The following ERICH3 variants were observed in gnomAD, a reference collection of about 807,000 sequenced individuals.
ERICH3 encodes the protein glutamate-rich protein 3.
Under a neutral mutation model 131.1 loss-of-function variants are expected in ERICH3, and 126 were observed. That is an observed-to-expected ratio of 0.96 (90% confidence interval 0.83 to 1.11). The LOEUF (loss-of-function observed/expected upper bound fraction) is 1.11. ERICH3 is among the 50% of genes most tolerant of loss of function. The pLI, the probability that ERICH3 is intolerant of heterozygous loss-of-function variation, is 0.00. For synonymous variants in ERICH3, 695 were observed against 644.6 expected, an observed-to-expected ratio of 1.08 and a Z score of -1.18; for missense variants, 2,050 against 1,810.7, an observed-to-expected ratio of 1.13 and a Z score of -2.40.
chr1:74,574,110 C>T (rs1459235725), intron 13 of ERICH3, among the ~76,000 whole-genome samples: 1 of 151,568 alleles, frequency 6.6e-6, no homozygotes, highest in African/African-American at 2.4e-5. Context: ...CCTGCCTCAG[C>T]CTCTTGGGTA....
At chr1:74,609,067 G>A (rs1190114678) in intron 9 of ERICH3, among the ~76,000 whole-genome samples, 1 of 152,040 alleles carries the variant, frequency 6.6e-6, no homozygotes, top group Admixed American at 6.6e-5. Flanking sequence ...AATATAATTT[G>A]AGGTGTTGAT....
Position 74,572,843 on chromosome 1 carries a change from G to C in ERICH3, c.2867C>G (p.Thr956Arg), listed in dbSNP as rs1458575011. ...EEEASIDLED[T>R]GPMEDTASKR... ...TGATGCTGTGTCCTCCATGGGTCCT[G>C]TGTCCTCTAGGTCTATGGATGCTTC... is the stretch of plus-strand genomic sequence containing the variant. Residue 956 changes from threonine (T) to arginine (R), a missense_variant, in exon 14 of 15, where the codon ACA (threonine) becomes AGA (arginine). Physicochemically the swap from Thr to Arg is moderately conservative, Grantham distance 71. Transcript: ENST00000326665. 5 of 1,613,608 alleles carry C rather than the reference G, an allele frequency of 3.1e-6. No homozygotes were observed. In the African/African-American group the frequency reaches 6.7e-5, roughly 22 times the overall value.
At chr1:74,635,951 A>C (rs1321902286) in intron 6 of ERICH3, among the ~76,000 whole-genome samples, 1 of 152,216 alleles carries the variant, frequency 6.6e-6, no homozygotes, top group African/African-American at 2.4e-5. Context: ...ATTTGGAAGA[A>C]GTCAACACTA....
At chr1:74,648,927 A>C (rs539418609) in intron 2 of ERICH3, among the ~76,000 whole-genome samples, 1 of 152,076 alleles carries the variant, frequency 6.6e-6, no homozygotes, top group Admixed American at 6.6e-5. Flanking sequence ...ACCTCATACA[A>C]TGTGTTCAAT....
At chr1:74,653,542 G>A (rs887031227) in intron 1 of ERICH3, among the ~76,000 whole-genome samples, 1 of 152,070 alleles carries the variant, frequency 6.6e-6, no homozygotes, top group Non-Finnish European at 1.5e-5. Flanking sequence ...TCCTGAGCTG[G>A]GGAAGGAGTG....
At chr1:74,583,138 A>T (rs77997059) in intron 12 of ERICH3, among the ~76,000 whole-genome samples, 5,604 of 152,246 alleles carry the variant, frequency 0.037, 363 homozygotes, top group African/African-American at 0.13. Context: ...GATGAAGAGG[A>T]AAATATGCAG....
chr1:74,588,575 G>A (rs2100559209), intron 12 of ERICH3, among the ~76,000 whole-genome samples: 1 of 152,226 alleles, frequency 6.6e-6, no homozygotes, highest in East Asian at 1.9e-4. Flanking sequence ...CTGAATTTTA[G>A]TAATATTAAA....
intron 11 of ERICH3, chr1:74,591,979 A>T (rs1647628271): frequency 6.6e-6 from 1 of 152,116 alleles, no homozygotes; most frequent in Non-Finnish European, 1.5e-5. Flanking sequence ...TTAAGATAAA[A>T]AATACCTGTC....
intron 1 of ERICH3, among the ~76,000 whole-genome samples, chr1:74,660,572 T>G (rs1409801466): frequency 6.7e-6 from 1 of 148,558 alleles, no homozygotes; most frequent in Non-Finnish European, 1.5e-5. Context: ...TATACATGTG[T>G]GCACACATTC....
chr1:74,647,252 G>A (rs990292093), intron 2 of ERICH3, among the ~76,000 whole-genome samples: 3 of 152,016 alleles, frequency 2.0e-5, no homozygotes, highest in African/African-American at 4.8e-5. Context: ...GGAAGGGGGC[G>A]GGGTACTACT....
At chr1:74,595,131 T>C (rs931460638) in intron 11 of ERICH3, among the ~76,000 whole-genome samples, 3 of 152,064 alleles carry the variant, frequency 2.0e-5, no homozygotes, top group Non-Finnish European at 4.4e-5. Flanking sequence ...CCATGACACA[T>C]GAATTTATAT....
intron 9 of ERICH3, among the ~76,000 whole-genome samples, chr1:74,612,105 T>C (rs941818558): frequency 2.0e-5 from 3 of 152,222 alleles, no homozygotes; most frequent in Admixed American, 2.0e-4. Context: ...CCTTTTATCA[T>C]GCATTTTGTT....
At chr1:74,586,522 C>T (rs1647338005) in intron 12 of ERICH3, 3 of 980,178 alleles carry the variant, frequency 3.1e-6, no homozygotes, top group Non-Finnish European at 3.6e-6. Context: ...AACATTTAAA[C>T]CAAATTTTTG....
chr1:74,582,651 T>C (rs951425527), intron 12 of ERICH3, among the ~76,000 whole-genome samples: 1 of 152,124 alleles, frequency 6.6e-6, no homozygotes, highest in Admixed American at 6.6e-5. Flanking sequence ...TCAAATAACA[T>C]ATGAAAATTC....
At chr1:74,608,941 G>C (rs1264224532) in intron 9 of ERICH3, among the ~76,000 whole-genome samples, 1 of 152,008 alleles carries the variant, frequency 6.6e-6, no homozygotes, top group African/African-American at 2.4e-5. Flanking sequence ...TAAAGGCTTT[G>C]ATGCCTCCCT....
intron 10 of ERICH3, among the ~76,000 whole-genome samples, chr1:74,603,829 G>A (rs1315151108): frequency 2.0e-5 from 3 of 151,866 alleles, no homozygotes; most frequent in East Asian, 3.9e-4. Context: ...ACTGGTCATC[G>A]TCTTTTTGCT....
At chr1:74,631,199 A>G (rs1215926213) in intron 7 of ERICH3, among the ~76,000 whole-genome samples, 2 of 152,090 alleles carry the variant, frequency 1.3e-5, no homozygotes, top group African/African-American at 4.8e-5. Context: ...TATGTGTATA[A>G]AGTCCAACAG....
At chr1:74,584,831 G>C (rs1187728682) in intron 12 of ERICH3, among the ~76,000 whole-genome samples, 1 of 152,082 alleles carries the variant, frequency 6.6e-6, no homozygotes, top group African/African-American at 2.4e-5. Flanking sequence ...GGACTGAAGA[G>C]GTCTATTAGA....
chr1:74,672,960 T>C (rs1333418160), intron 1 of ERICH3, among the ~76,000 whole-genome samples: 1 of 152,098 alleles, frequency 6.6e-6, no homozygotes, highest in Non-Finnish European at 1.5e-5. Context: ...TTTATTAAAA[T>C]ACTTTTTAAA....
Sources: gnomAD v4.1 joint callset for allele counts (sites outside exome capture counted in the v4.1 genomes callset) on GRCh38, gnomAD v4.1.1 for gene constraint, MANE v1.5 for transcripts, NCBI Gene and HGNC (gene_info 2026-07-23, HGNC 2026-07-21) for gene names.